The following RABEP1 variants were observed in gnomAD, a reference collection of about 807,000 sequenced individuals.
RABEP1 encodes the protein rabaptin, RAB GTPase binding effector protein 1, also known as rab GTPase-binding effector protein 1.
Under a neutral mutation model 123.4 loss-of-function variants are expected in RABEP1, and 51 were observed. The ratio of observed to expected loss-of-function variants is 0.41; its 90% CI spans 0.33 to 0.52. The LOEUF is 0.52. Among genes scored for constraint, RABEP1 ranks in the 20% least tolerant of loss-of-function variants. The pLI, the probability that RABEP1 is intolerant of heterozygous loss-of-function variation, is 0.16. For synonymous variants in RABEP1, 347 were observed against 355.2 expected (o/e 0.98, Z 0.26); for missense variants, 888 against 996.3 (o/e 0.89, Z 1.46).
intron 1 of RABEP1, among the ~76,000 whole-genome samples, chr17:5,304,732 A>G (rs1054508257): frequency 6.6e-6 from 1 of 152,166 alleles, no homozygotes; most frequent in African/African-American, 2.4e-5. Context: ...AGAAGGTTTA[A>G]TTTTGTTGAA....
At chr17:5,379,814 C>G (rs538096500) in intron 15 of RABEP1, among the ~76,000 whole-genome samples, 1 of 152,284 alleles carries the variant, frequency 6.6e-6, no homozygotes, top group Non-Finnish European at 1.5e-5. Context: ...TCCCGTAGTT[C>G]CCTTTATTTT....
chr17:5,292,835 C>T (rs139031542), intron 1 of RABEP1, among the ~76,000 whole-genome samples: 7 of 152,220 alleles, frequency 4.6e-5, no homozygotes, highest in African/African-American at 1.7e-4. Flanking sequence ...GCATGCACCA[C>T]CATGCCTCGC....
rs113871273 is a variant in RABEP1, at chr17:5,352,651, C to T, written c.964-1708C>T. ...TTTGAGACCAGCCTGGTCAACTTGG[C>T]GGAACCCCACCTCTACTAAAAATAC... On this transcript the variant is annotated intron_variant, in intron 7 of 17. Coordinates refer to ENST00000537505, the MANE Select transcript of RABEP1 (RefSeq NM_004703.6). Among the ~76,000 whole-genome samples the T allele has an allele frequency of 1.0e-2, 1,516 of 151,712 alleles. 12 individuals carry two copies. The highest frequency in any genetic ancestry group is 0.016 in the Non-Finnish European group (1,082 of 67,864).
intron 2 of RABEP1, among the ~76,000 whole-genome samples, chr17:5,320,504 A>T (rs1230153034): frequency 6.6e-6 from 1 of 151,780 alleles, no homozygotes; most frequent in African/African-American, 2.4e-5. Context: ...TTAATACTGC[A>T]GTTGATAACT....
At chr17:5,347,811 CA>C (rs1472927836) in intron 6 of RABEP1, among the ~76,000 whole-genome samples, 2 of 152,040 alleles carry the variant, frequency 1.3e-5, no homozygotes, top group Admixed American at 6.6e-5. Context: ...TAAAGGTGTC[CA>C]AAAGAACTAG....
intron 1 of RABEP1, among the ~76,000 whole-genome samples, chr17:5,304,437 C>A (rs1024375274): frequency 6.6e-6 from 1 of 151,522 alleles, no homozygotes; most frequent in Non-Finnish European, 1.5e-5. Flanking sequence ...AAAAAATTAG[C>A]CGGGTATGGT....
At chr17:5,285,903 A>G (rs866067492) in intron 1 of RABEP1, among the ~76,000 whole-genome samples, 6 of 152,124 alleles carry the variant, frequency 3.9e-5, no homozygotes, top group Admixed American at 2.0e-4. Flanking sequence ...TTTATGGCCT[A>G]TTTCCCTATT....
intron 17 of RABEP1, chr17:5,381,769 C>A: frequency 3.3e-6 from 1 of 302,686 alleles, no homozygotes; most frequent in Non-Finnish European, 5.8e-6. Flanking sequence ...ATGTAAGACT[C>A]TTCCCAACCA....
intron 1 of RABEP1, among the ~76,000 whole-genome samples, chr17:5,308,105 C>A (rs993241077): frequency 4.6e-5 from 7 of 152,170 alleles, no homozygotes; most frequent in African/African-American, 1.7e-4. Context: ...TATTCAGTTG[C>A]ACAAAGGCAC....
chr17:5,296,466 G>C (rs532015391), intron 1 of RABEP1, among the ~76,000 whole-genome samples: 1 of 152,230 alleles, frequency 6.6e-6, no homozygotes, highest in African/African-American at 2.4e-5. Context: ...TCTACATGTT[G>C]ATGAGGCCGG....
chr17:5,350,378 T>C (rs564619648), intron 6 of RABEP1, 73 bp from the exon 7 acceptor site: 7 of 1,453,584 alleles, frequency 4.8e-6, no homozygotes, highest in Non-Finnish European at 3.7e-6. Flanking sequence ...AGACTCCATC[T>C]CAAAAAAAAA....
At chr17:5,332,585 T>TA (rs1906653613) in intron 3 of RABEP1, among the ~76,000 whole-genome samples, 2 of 147,936 alleles carry the variant, frequency 1.4e-5, no homozygotes, top group South Asian at 4.3e-4. Flanking sequence ...AGTTTGGCCA[T>TA]ACGTTTTAGA....
chr17:5,304,084 G>C (rs1214548036), intron 1 of RABEP1, among the ~76,000 whole-genome samples: 1 of 151,942 alleles, frequency 6.6e-6, no homozygotes, highest in Non-Finnish European at 1.5e-5. Flanking sequence ...CTTGTAAGAG[G>C]AACGTAGTAG....
intron 2 of RABEP1, among the ~76,000 whole-genome samples, chr17:5,330,220 T>G (rs1331415052): frequency 6.6e-6 from 1 of 152,246 alleles, no homozygotes; most frequent in Non-Finnish European, 1.5e-5. Flanking sequence ...TCTATTTGCA[T>G]GCCTACCACA....
At chr17:5,378,090 T>C in intron 14 of RABEP1, 87 bp from the exon 15 acceptor site, 2 of 1,000,658 alleles carry the variant, frequency 2.0e-6, no homozygotes. Context: ...TTTGAATCCT[T>C]TGGGGGGTGC....
At chr17:5,381,269 G>A in intron 16 of RABEP1, 120 bp from the exon 17 acceptor site, 1 of 1,408,482 alleles carries the variant, frequency 7.1e-7, no homozygotes, top group Non-Finnish European at 9.5e-7. Flanking sequence ...GTCGTGTATA[G>A]GAGTGCGACG....
At chr17:5,297,582 G>GT (rs1184541031) in intron 1 of RABEP1, among the ~76,000 whole-genome samples, 1 of 152,140 alleles carries the variant, frequency 6.6e-6, no homozygotes, top group African/African-American at 2.4e-5. Context: ...ATCTTAGAAT[G>GT]TTTCTGCATC....
intron 11 of RABEP1, 113 bp downstream of exon 11, chr17:5,365,351 T>G: frequency 1.5e-6 from 1 of 647,994 alleles, no homozygotes; most frequent in Non-Finnish European, 2.5e-6. Flanking sequence ...GCAGTTTTAT[T>G]TTCCCTCAGG....
At chr17:5,337,908 G>A in intron 4 of RABEP1, 111 bp from the exon 5 acceptor site, 1 of 1,199,614 alleles carries the variant, frequency 8.3e-7, no homozygotes, top group East Asian at 2.6e-5. Flanking sequence ...TATTAATATA[G>A]TGTCTGGTCA....
Sources: allele counts gnomAD v4.1 joint callset (sites outside exome capture counted in the v4.1 genomes callset), GRCh38; gene constraint gnomAD v4.1.1; transcripts MANE v1.5; gene names NCBI Gene and HGNC (gene_info 2026-07-23, HGNC 2026-07-21).